TG: variants seen among roughly 807,000 people sequenced by gnomAD.
TG encodes thyroglobulin, also known as thyroid hormones.
TG carries 270 observed loss-of-function variants against 324.7 expected under a neutral mutation model. The ratio of observed to expected loss-of-function variants is 0.83; its 90% confidence interval spans 0.75 to 0.92. The LOEUF (loss-of-function observed/expected upper bound fraction) is 0.92. Ranked by LOEUF, TG falls within the 40% of genes least tolerant of loss-of-function variation. TG has a pLI of 0.00. For synonymous variants in TG, 1,401 were observed against 1,327.0 expected (o/e 1.06, Z -1.21); for missense variants, 3,591 against 3,456.4 (o/e 1.04, Z -0.98).
chr8:132,976,739 C>T (rs896267578), intron 34 of TG, among the ~76,000 whole-genome samples: 6 of 152,146 alleles, frequency 3.9e-5, no homozygotes, highest in Admixed American at 6.5e-5. Context: ...TGAGTGGCTC[C>T]GTGGTTCTCA....
intron 41 of TG, among the ~76,000 whole-genome samples, chr8:133,057,426 C>G (rs567301636): frequency 5.1e-4 from 77 of 152,356 alleles, no homozygotes; most frequent in African/African-American, 1.7e-3. Context: ...AGTTTCACCA[C>G]TTTAAAACTT....
At chr8:132,916,299 G>A (rs532075258) in intron 20 of TG, among the ~76,000 whole-genome samples, 37 of 152,174 alleles carry the variant, frequency 2.4e-4, no homozygotes, top group Non-Finnish European at 4.9e-4. Context: ...AACTCTTGGC[G>A]AATGGTTTGT....
At chr8:133,039,203 C>G (rs1837690791) in intron 41 of TG, among the ~76,000 whole-genome samples, 1 of 152,122 alleles carries the variant, frequency 6.6e-6, no homozygotes, top group Non-Finnish European at 1.5e-5. Context: ...TAGTTATTAC[C>G]CTAACCTATT....
chr8:132,893,940 T>C lies in TG; in HGVS notation c.3001+11T>C, dbSNP rs1286833231. 1 of 1,613,914 alleles carries C rather than the reference T, an allele frequency of 6.2e-7. No homozygotes were observed. Among genetic ancestry groups the C allele is most frequent in the Non-Finnish European group, 8.5e-7 (1 of 1,179,942 alleles). On this transcript the variant is annotated intron_variant, in intron 11 of 47. Coordinates refer to ENST00000220616, the MANE Select transcript of TG (RefSeq NM_003235.5). ...TGGCGGCTCAGTCTAGTGAGTGTGGTGCCCTTCAGCTTTCTTACTGCATCG... is the reference window on the plus strand; with the variant it reads ...TGGCGGCTCAGTCTAGTGAGTGTGGCGCCCTTCAGCTTTCTTACTGCATCG...
Position 132,882,660 on chromosome 8 carries a change from C to T in TG, c.889+48C>T, listed in dbSNP as rs757052033. On this transcript the variant is annotated intron_variant, in intron 7 of 47. Coordinates refer to ENST00000220616, the MANE Select transcript of TG (RefSeq NM_003235.5). ...TGTGCGTGTTTCCATTAGGGGGACG[C>T]CTCTTGGGTTTCAAAGTTGCTATGG... 5.6e-6 allele frequency: 9 copies of T among 1,613,960 alleles called. No homozygotes were observed. In the South Asian group the frequency reaches 7.7e-5, roughly 14 times the overall value.
intron 12 of TG, 143 bp from the exon 13 acceptor site, chr8:132,898,021 GGACAA>G: frequency 1.1e-6 from 1 of 921,868 alleles, no homozygotes; most frequent in Non-Finnish European, 1.7e-6. Flanking sequence ...GAGTGATTGT[GGACAA>G]TGTCCGGCTG....
chr8:133,068,123 A>G (rs749873748), intron 41 of TG, among the ~76,000 whole-genome samples: 2 of 152,178 alleles, frequency 1.3e-5, no homozygotes, highest in Non-Finnish European at 2.9e-5. Flanking sequence ...TAGCAACTCA[A>G]CACTCTCACA....
intron 35 of TG, among the ~76,000 whole-genome samples, chr8:132,991,449 G>GC: frequency 6.6e-6 from 1 of 152,320 alleles, no homozygotes; most frequent in East Asian, 1.9e-4. Flanking sequence ...CAGGTGAGTG[G>GC]CCACTGATTC....
chr8:133,072,324 T>A (rs1418447629), intron 41 of TG, among the ~76,000 whole-genome samples: 1 of 152,178 alleles, frequency 6.6e-6, no homozygotes, highest in Non-Finnish European at 1.5e-5. Context: ...GAGGAAGTGG[T>A]TTGAACAGAG....
chr8:133,038,633 C>T, intron 41 of TG: 2 of 1,613,926 alleles, frequency 1.2e-6, no homozygotes, highest in Non-Finnish European at 8.5e-7. Context: ...GTTGTCCTCA[C>T]TGGTCAGGGA....
intron 27 of TG, among the ~76,000 whole-genome samples, chr8:132,956,315 G>C (rs1394796072): frequency 2.0e-5 from 3 of 152,110 alleles, no homozygotes; most frequent in African/African-American, 2.4e-5. Flanking sequence ...CACCAGCTCT[G>C]TGCCAAGAAT....
At chr8:132,918,159 G>GGAGGAAACAGCGTGTGCAT (rs1820637452) in intron 20 of TG, among the ~76,000 whole-genome samples, 1 of 152,058 alleles carries the variant, frequency 6.6e-6, no homozygotes, top group Non-Finnish European at 1.5e-5. Flanking sequence ...AGAACCGGTG[G>GGAGGAAACAGCGTGTGCAT]GAGGAAACAG....
At chr8:133,073,679 A>G (rs1247946732) in intron 41 of TG, among the ~76,000 whole-genome samples, 1 of 152,118 alleles carries the variant, frequency 6.6e-6, no homozygotes, top group Non-Finnish European at 1.5e-5. Context: ...AAACCACACA[A>G]TGACAATTTA....
At chr8:132,898,295 C>G in intron 13 of TG, 49 bp downstream of exon 13, 1 of 1,527,276 alleles carries the variant, frequency 6.5e-7, no homozygotes, top group Non-Finnish European at 8.9e-7. Flanking sequence ...TGGTGGGCAT[C>G]ACTGGTCTAG....
At chr8:132,871,252 C>A in intron 3 of TG, 96 bp from the exon 4 acceptor site, 3 of 1,323,004 alleles carry the variant, frequency 2.3e-6, no homozygotes, top group East Asian at 2.3e-5. Context: ...CCCCTCTCAG[C>A]TGTGTCCCCT....
At chr8:133,094,247 T>C (rs1297207504) in intron 41 of TG, among the ~76,000 whole-genome samples, 6 of 149,170 alleles carry the variant, frequency 4.0e-5, no homozygotes, top group East Asian at 1.9e-4. Flanking sequence ...GTTTTCTTTT[T>C]TTTTTTTTTT....
intron 41 of TG, chr8:133,064,233 C>G (rs1403068529): frequency 6.6e-6 from 1 of 152,120 alleles, no homozygotes; most frequent in Non-Finnish European, 1.5e-5. Context: ...GCCTGATAAC[C>G]CCATTTAATT....
At chr8:133,129,345 T>C (rs1037868494) in intron 45 of TG, among the ~76,000 whole-genome samples, 1 of 152,200 alleles carries the variant, frequency 6.6e-6, no homozygotes, top group Non-Finnish European at 1.5e-5. Context: ...AGCTGCCTCA[T>C]ACAAGTTCAC....
chr8:133,058,729 G>A (rs1187908068), intron 41 of TG, among the ~76,000 whole-genome samples: 1 of 152,240 alleles, frequency 6.6e-6, no homozygotes, highest in Middle Eastern at 3.2e-3. Flanking sequence ...ACGCTGTTCT[G>A]AGTGTCGCAT....
Sources: gnomAD v4.1 joint callset for allele counts (sites outside exome capture counted in the v4.1 genomes callset) on GRCh38, gnomAD v4.1.1 for gene constraint, MANE v1.5 for transcripts, NCBI Gene and HGNC (gene_info 2026-07-23, HGNC 2026-07-21) for gene names.